The following SKA3 variants were observed in gnomAD, a reference collection of about 807,000 sequenced individuals.
The protein encoded by SKA3 is spindle and kinetochore associated complex subunit 3.
In SKA3, 39 loss-of-function variants were observed where a neutral mutation model predicts 44.2. The ratio of observed to expected loss-of-function variants is 0.88; its 90% confidence interval spans 0.68 to 1.15. SKA3 has a LOEUF of 1.15. Among genes scored for constraint, SKA3 ranks in the 50% most tolerant of loss-of-function variants. The probability of loss-of-function intolerance (pLI) is 0.00; values close to 1 mark genes in which losing one functional copy is unlikely to be tolerated. For synonymous variants in SKA3, 192 were observed against 172.0 expected (o/e 1.12, Z -0.91); for missense variants, 511 against 485.8 (o/e 1.05, Z -0.49).
At position 21,154,737 on chromosome 13, in the gene SKA3, C is replaced by T. The variant is rs1473805679; in HGVS notation, c.*413G>A. ...GAGCAAGTAAAAGGTGTGGGACGGTCCTGAAAGGAGATGATGGGAAGGCAG... is the reference window on the plus strand; with the variant it reads ...GAGCAAGTAAAAGGTGTGGGACGGTTCTGAAAGGAGATGATGGGAAGGCAG... On this transcript the variant is annotated 3_prime_UTR_variant, in exon 9 of 9. Transcript: ENST00000314759. 2 of 287,744 alleles carry T rather than the reference C, an allele frequency of 7.0e-6. No homozygotes were observed. Among genetic ancestry groups the T allele is most frequent in the Admixed American group, 4.9e-5 (1 of 20,594 alleles). 17.8% of individuals were successfully genotyped at this position (287,744 alleles called of 1,614,324 possible).
chr13:21,164,479 A>T (rs987137892), intron 4 of SKA3, among the ~76,000 whole-genome samples: 1 of 152,046 alleles, frequency 6.6e-6, no homozygotes, highest in Admixed American at 6.6e-5. Context: ...TTAAGAATCA[A>T]CTCTTTCCAT....
chr13:21,155,219 ACTGTGGC>A (rs1870044842), intron 8 of SKA3, 69 bp from the exon 9 acceptor site: 7 of 1,145,272 alleles, frequency 6.1e-6, no homozygotes, highest in Non-Finnish European at 8.4e-6. Context: ...ATGACACAAT[ACTGTGGC>A]TATATATTTT....
At chr13:21,160,057 C>G (rs958082021) in intron 5 of SKA3, 70 bp from the exon 6 acceptor site, 1 of 958,918 alleles carries the variant, frequency 1.0e-6, no homozygotes, top group Non-Finnish European at 1.4e-6. Context: ...GGAAGAAAAT[C>G]TCATATTTAC....
chr13:21,158,086 A>G lies in SKA3; in HGVS notation c.955T>C (p.Ser319Pro), dbSNP rs760538954. ...CGATCTTCAACTTCCAAATCATTTG[A>G]TGAACTATTTGTTTTTGATAATGGG... ...NYPLSKTNSS[S>P]NDLEVEDRTS... is the part of the protein sequence containing the mutation. The change falls in exon 7 of 9, where the codon TCA becomes CCA. Residue 319 changes from serine to proline, a missense_variant. By Grantham distance (74) the Ser-to-Pro change is moderately conservative. Coordinates refer to ENST00000314759, the MANE Select transcript of SKA3 (RefSeq NM_145061.6). 1 of 1,612,380 alleles carries G rather than the reference A, an allele frequency of 6.2e-7. No homozygotes were observed. Among genetic ancestry groups the G allele is most frequent in the Non-Finnish European group, 8.5e-7 (1 of 1,178,512 alleles).
intron 4 of SKA3, among the ~76,000 whole-genome samples, chr13:21,164,557 T>C (rs1044992944): frequency 1.3e-5 from 2 of 152,244 alleles, no homozygotes; most frequent in Non-Finnish European, 2.9e-5. Context: ...AAAACAAATA[T>C]GCTTTGTACT....
In SKA3 at chr13:21,172,700, A is replaced by G. The variant is rs777163502; in HGVS notation, c.104-19T>C. On this transcript the variant is annotated intron_variant, in intron 1 of 8. Transcript: ENST00000314759. ...TCAAAGTCTTCAATATGAATATTGA[A>G]AGAAAAGAAGTCCAATAAATGTAAG... is the stretch of plus-strand genomic sequence containing the variant. 2 of 1,421,568 alleles carry G rather than the reference A, an allele frequency of 1.4e-6. No homozygotes were observed. The highest frequency in any genetic ancestry group is 1.9e-6 in the Non-Finnish European group (2 of 1,032,432). The allele number at this position is 1,421,568 out of a possible 1,614,324, so 88.1% of individuals were successfully genotyped here.
At position 21,168,177 on chromosome 13, in the gene SKA3, T is replaced by C. The variant is rs750051413; in HGVS notation, c.554A>G (p.Glu185Gly). The stretch of plus-strand genomic sequence containing the variant: ...GGTAGGTGGGGTTACAATTACGGGC[T>C]CTTCCTTATAGTTGTTCACTGCCTG... ...PPQAVNNYKE[E>G]PVIVTPPTKQ... Residue 185 changes from glutamate to glycine, a missense_variant, in exon 4 of 9, where the codon GAG becomes GGG. Glu to Gly is a moderately conservative substitution (Grantham distance 98, BLOSUM62 -2). Coordinates refer to ENST00000314759, the MANE Select transcript of SKA3 (RefSeq NM_145061.6). 6.2e-7 allele frequency: 1 copy of C among 1,614,126 alleles called. No individual in the cohort carries two copies. The highest frequency in any genetic ancestry group is 1.1e-5 in the South Asian group (1 of 91,074).
rs889781945 is a variant in SKA3 at position 21,172,771 on chromosome 13, A to G, written c.104-90T>C. 1.4e-5 allele frequency: 10 copies of G among 722,152 alleles called. No individual in the cohort carries two copies. The South Asian group carries it at 2.0e-4, about 15-fold the overall frequency. The allele number at this position is 722,152 out of a possible 1,614,324, so 44.7% of individuals were successfully genotyped here. A position where few individuals can be genotyped will look rare whatever the true frequency, so the allele number is the denominator to read the frequency against. ...ATAGTATACAATCATATACCTTATA[A>G]TGACATTGGTCAATCACAGATCACA... On this transcript the variant is annotated intron_variant, in intron 1 of 8. Coordinates refer to ENST00000314759, the MANE Select transcript of SKA3 (RefSeq NM_145061.6).
chr13:21,171,195 A>C (rs113584397), intron 3 of SKA3, among the ~76,000 whole-genome samples: 131 of 152,310 alleles, frequency 8.6e-4, no homozygotes, highest in African/African-American at 2.8e-3. Context: ...GGTAACAGGC[A>C]TGAGCCACTG....
At chr13:21,161,216 G>A (rs937093724) in intron 5 of SKA3, among the ~76,000 whole-genome samples, 3 of 152,158 alleles carry the variant, frequency 2.0e-5, no homozygotes, top group African/African-American at 7.2e-5. Flanking sequence ...GCTGCAGTGA[G>A]CCAAGATCGT....
intron 7 of SKA3, 136 bp from the exon 8 acceptor site, chr13:21,155,947 G>T: frequency 1.7e-6 from 1 of 586,024 alleles, no homozygotes; most frequent in African/African-American, 1.9e-5. Context: ...CAGCACTTTG[G>T]GAGGCCAAGG....
At chr13:21,164,427 G>C (rs1448740634) in intron 4 of SKA3, among the ~76,000 whole-genome samples, 1 of 152,154 alleles carries the variant, frequency 6.6e-6, no homozygotes, top group African/African-American at 2.4e-5. Flanking sequence ...AGTTTTCGTA[G>C]AGGTAAAATA....
chr13:21,157,622 T>TTCAAGAAACA, intron 7 of SKA3, among the ~76,000 whole-genome samples: 1 of 152,288 alleles, frequency 6.6e-6, no homozygotes, highest in Middle Eastern at 3.4e-3. Flanking sequence ...AAGTTTCAAG[T>TTCAAGAAACA]TCAAGAAACA....
chr13:21,166,958 T>A (rs530434343), intron 4 of SKA3, among the ~76,000 whole-genome samples: 8 of 152,352 alleles, frequency 5.3e-5, no homozygotes, highest in Admixed American at 5.2e-4. Flanking sequence ...TAACAGTTTT[T>A]AATGATAAGT....
chr13:21,157,822 A>G (rs190160837), intron 7 of SKA3, 100 bp downstream of exon 7: 48 of 690,372 alleles, frequency 7.0e-5, no homozygotes, highest in Admixed American at 4.0e-4. Flanking sequence ...CACTAGCCCA[A>G]TGATAAATAA....
Position 21,161,885 on chromosome 13 carries a change from T to G in SKA3, c.744-10A>C. ...ATCTATGGCCTCCTCACTGGTGTGA[T>G]TCATAGGGAAATTACAAGGTTAAAA... On this transcript the variant is annotated splice_polypyrimidine_tract_variant and intron_variant, in intron 4 of 8. Coordinates refer to ENST00000314759, the MANE Select transcript of SKA3 (RefSeq NM_145061.6). 6.3e-7 allele frequency: 1 copy of G among 1,582,516 alleles called. No homozygotes were observed. Among genetic ancestry groups the G allele is most frequent in the Non-Finnish European group, 8.6e-7 (1 of 1,162,734 alleles).
At chr13:21,159,755 A>C (rs1466460950) in intron 6 of SKA3, 147 bp downstream of exon 6, 3 of 527,632 alleles carry the variant, frequency 5.7e-6, no homozygotes, top group Non-Finnish European at 9.9e-6. Context: ...TTATGCTGCC[A>C]AGCTACCCTC....
In SKA3 at chr13:21,155,099, G is replaced by C. The variant is rs771670773; in HGVS notation, c.*51C>G. Reference sequence around the variant, plus strand: ...TGAATGTTAAAATCGGTCCAGCTCGGCTTTCATCTCATTTTGTTCAGTTTC... The same window carrying C: ...TGAATGTTAAAATCGGTCCAGCTCGCCTTTCATCTCATTTTGTTCAGTTTC... On this transcript the variant is annotated 3_prime_UTR_variant, in exon 9 of 9. Coordinates refer to ENST00000314759, the MANE Select transcript of SKA3 (RefSeq NM_145061.6). 3.1e-6 allele frequency: 5 copies of C among 1,610,678 alleles called. No homozygotes were observed. The highest frequency in any genetic ancestry group is 1.3e-5 in the African/African-American group (1 of 74,826).
At chr13:21,165,249 A>C (rs1422372305) in intron 4 of SKA3, among the ~76,000 whole-genome samples, 1 of 151,022 alleles carries the variant, frequency 6.6e-6, no homozygotes, top group African/African-American at 2.4e-5. Flanking sequence ...GTCTTTACAG[A>C]AAGTTAAAAA....
Sources: allele counts gnomAD v4.1 joint callset (sites outside exome capture counted in the v4.1 genomes callset), GRCh38; gene constraint gnomAD v4.1.1; transcripts MANE v1.5; gene names NCBI Gene and HGNC (gene_info 2026-07-23, HGNC 2026-07-21).